The following IL3RA variants were observed in gnomAD, a reference collection of about 807,000 sequenced individuals.
IL3RA encodes interleukin 3 receptor subunit alpha.
In IL3RA, 73 loss-of-function variants were observed where a neutral mutation model predicts 52.3. That is an observed-to-expected ratio of 1.40 (90% confidence interval 1.16 to 1.70). The LOEUF (loss-of-function observed/expected upper bound fraction) is 1.70, where lower values mean the gene tolerates loss of function less well. Among genes scored for constraint, IL3RA ranks in the 40% most tolerant of loss-of-function variants. The probability of loss-of-function intolerance (pLI) is 0.00; values close to 1 mark genes in which losing one functional copy is unlikely to be tolerated. For missense variants in IL3RA, 664 were observed against 504.4 expected (o/e 1.32, Z -3.03); for synonymous variants, 260 against 194.0 (o/e 1.34, Z -2.83).
At chrX:1,362,074 G>A (rs757018306) in intron 8 of IL3RA, among the ~76,000 whole-genome samples, 10 of 141,866 alleles carry the variant, frequency 7.0e-5, no homozygotes, top group Admixed American at 1.4e-4. Context: ...CTCTGTCTCC[G>A]TTTCTATCTC....
intron 6 of IL3RA, among the ~76,000 whole-genome samples, chrX:1,353,665 C>CA: frequency 6.1e-5 from 1 of 16,262 alleles, no homozygotes; most frequent in African/African-American, 3.4e-4. Flanking sequence ...GGTCATGGGA[C>CA]CCCCCCCATC....
rs752960945 is a variant in IL3RA at position 1,352,382 on chromosome X, G to C, written c.492G>C (p.Gly164=). The change falls in exon 6 of 12, where the codon GGG becomes GGC. Residue 164 remains glycine, a synonymous_variant. Transcript: ENST00000331035. The part of the protein sequence containing the change: ...YKTDAQGTRI[G]CRFDDISRLS... ...CGGATGCTCAGGGAACACGTATCGG[G>C]TGTCGTTTCGATGACATCTCTCGAC... 2 of 1,613,876 alleles carry C rather than the reference G, an allele frequency of 1.2e-6. No individual in the cohort carries two copies. The highest frequency in any genetic ancestry group is 2.2e-5 in the South Asian group (2 of 91,074).
chrX:1,340,871 C>T (rs1158543393), intron 1 of IL3RA, among the ~76,000 whole-genome samples: 1 of 152,064 alleles, frequency 6.6e-6, no homozygotes, highest in Non-Finnish European at 1.5e-5. Context: ...CATCCCAGCA[C>T]TTTGGGAGGC....
At chrX:1,378,447 A>G (rs763861790) in intron 9 of IL3RA, among the ~76,000 whole-genome samples, 1 of 151,876 alleles carries the variant, frequency 6.6e-6, no homozygotes, top group African/African-American at 2.4e-5. Context: ...GAGGTCCGGA[A>G]GTCGCTCCCG....
intron 4 of IL3RA, among the ~76,000 whole-genome samples, 198 bp downstream of exon 4, chrX:1,348,743 TTTCC>T (rs2085934456): frequency 6.8e-6 from 1 of 146,060 alleles, no homozygotes; most frequent in Non-Finnish European, 1.5e-5. Context: ...TCTTTCTTTC[TTTCC>T]TTCTTTCCTC....
intron 1 of IL3RA, among the ~76,000 whole-genome samples, chrX:1,340,801 A>G (rs1394613979): frequency 2.0e-5 from 3 of 152,194 alleles, no homozygotes; most frequent in Admixed American, 6.6e-5. Context: ...CCTGGCCAAC[A>G]TGGTCAAATC....
At chrX:1,347,920 C>T (rs776524497) in intron 3 of IL3RA, among the ~76,000 whole-genome samples, 1 of 151,250 alleles carries the variant, frequency 6.6e-6, no homozygotes, top group South Asian at 2.1e-4. Flanking sequence ...GCCTGTAGTC[C>T]CAGCTACTTG....
At chrX:1,347,731 C>G (rs777397273) in intron 3 of IL3RA, among the ~76,000 whole-genome samples, 4 of 151,780 alleles carry the variant, frequency 2.6e-5, no homozygotes, top group African/African-American at 7.3e-5. Flanking sequence ...TTTATTCAAG[C>G]TTTTGTATCT....
Position 1,367,743 on chromosome X carries a change from C to A in IL3RA, c.874+2491C>A, listed in dbSNP as rs868281432. Reference sequence around the variant, plus strand: ...CGGGGTGCGCCGGGTGAGCGGGGTGCGCGGGGTGAGCGGGGTGCGCCGGGT... The same window carrying A: ...CGGGGTGCGCCGGGTGAGCGGGGTGAGCGGGGTGAGCGGGGTGCGCCGGGT... On this transcript the variant is annotated intron_variant, in intron 9 of 11. Coordinates refer to ENST00000331035, the MANE Select transcript of IL3RA (RefSeq NM_002183.4). Among the ~76,000 whole-genome samples, 443 of 115,134 alleles carry A rather than the reference C, an allele frequency of 3.8e-3. 7 individuals carry two copies. Among genetic ancestry groups the A allele is most frequent in the African/African-American group, 0.014 (417 of 28,826 alleles). 75.5% of individuals were successfully genotyped at this position (115,134 alleles called of 152,430 possible). A position where few individuals can be genotyped will look rare whatever the true frequency, so the allele number is the denominator to read the frequency against.
In IL3RA at chrX:1,356,934, C is replaced by T. The variant is rs1293024878; in HGVS notation, c.732+598C>T. Among the ~76,000 whole-genome samples the T allele has an allele frequency of 2.6e-5, 4 of 151,974 alleles. No homozygotes were observed. The East Asian group carries it at 5.8e-4, about 22-fold the overall frequency. ...TCCCAGATATTTTTGATCCACAGTT[C>T]GTTGGATCAGTTGAACATAAATATT... is the stretch of plus-strand genomic sequence containing the variant. On this transcript the variant is annotated intron_variant, in intron 7 of 11. Coordinates refer to ENST00000331035, the MANE Select transcript of IL3RA (RefSeq NM_002183.4).
chrX:1,343,666 CAAAAAAA>C (rs760518972), intron 2 of IL3RA, among the ~76,000 whole-genome samples: 9 of 68,654 alleles, frequency 1.3e-4, no homozygotes, highest in African/African-American at 4.1e-4. Context: ...GGCTCCATCT[CAAAAAAA>C]AAAAAAAAAA....
rs763621194 is a variant in IL3RA at position 1,362,480 on chromosome X, G to A, written c.760-2658G>A. Among the ~76,000 whole-genome samples, 15 of 143,678 alleles carry A rather than the reference G, an allele frequency of 1.0e-4. No homozygotes were observed. In the South Asian group the frequency reaches 2.0e-3, roughly 19 times the overall value. The allele number at this position is 143,678 out of a possible 152,430, so 94.3% of individuals were successfully genotyped here. ...TCTCTGTTTCTATCTGTCTCTCTCT[G>A]TCCATCACCCACTATCTCTGTCTAT... is the stretch of plus-strand genomic sequence containing the variant. On this transcript the variant is annotated intron_variant, in intron 8 of 11. Coordinates refer to ENST00000331035, the MANE Select transcript of IL3RA (RefSeq NM_002183.4).
chrX:1,360,295 C>T (rs1472291399), intron 8 of IL3RA, among the ~76,000 whole-genome samples: 1 of 21,276 alleles, frequency 4.7e-5, no homozygotes, highest in African/African-American at 2.8e-4. Flanking sequence ...TCTATCTCCC[C>T]CTCTCCCTGT....
At chrX:1,345,252 C>T (rs2085689483) in intron 2 of IL3RA, 64 bp from the exon 3 acceptor site, 1 of 1,020,634 alleles carries the variant, frequency 9.8e-7, no homozygotes, top group Admixed American at 2.1e-5. Context: ...AAAACCATAC[C>T]CCTTACAATG....
At chrX:1,340,447 C>T (rs1481920172) in intron 1 of IL3RA, among the ~76,000 whole-genome samples, 1 of 152,138 alleles carries the variant, frequency 6.6e-6, no homozygotes, top group Non-Finnish European at 1.5e-5. Context: ...GAACGGCTGA[C>T]ACACACACAG....
At chrX:1,360,146 T>C (rs2087107944) in intron 8 of IL3RA, among the ~76,000 whole-genome samples, 1 of 148,488 alleles carries the variant, frequency 6.7e-6, no homozygotes, top group East Asian at 2.0e-4. Context: ...TCTGTCTCTG[T>C]GTCTCTCTCC....
At chrX:1,343,635 C>A (rs1465879060) in intron 2 of IL3RA, among the ~76,000 whole-genome samples, 1 of 141,890 alleles carries the variant, frequency 7.0e-6, no homozygotes, top group African/African-American at 2.7e-5. Context: ...CCATTGCACT[C>A]CAACCTGGGT....
intron 11 of IL3RA, among the ~76,000 whole-genome samples, chrX:1,382,079 G>A (rs1411313041): frequency 6.6e-6 from 1 of 151,640 alleles, no homozygotes; most frequent in Non-Finnish European, 1.5e-5. Context: ...AGCCTCCCAA[G>A]TAGCTGGGAC....
At chrX:1,356,140 T>C in intron 6 of IL3RA, 81 bp from the exon 7 acceptor site, 1 of 889,836 alleles carries the variant, frequency 1.1e-6, no homozygotes, top group East Asian at 2.4e-5. Context: ...ATTTGAAGTA[T>C]CTCCAGAAAA....
Sources: allele counts gnomAD v4.1 joint callset (sites outside exome capture counted in the v4.1 genomes callset), GRCh38; gene constraint gnomAD v4.1.1; transcripts MANE v1.5; gene names NCBI Gene and HGNC (gene_info 2026-07-23, HGNC 2026-07-21).